Variants in AGBL1 observed in about 807,000 individuals in gnomAD.
The protein encoded by AGBL1 is cytosolic carboxypeptidase 4.
A neutral mutation model predicts 118.9 loss-of-function variants in AGBL1; 130 were observed. The ratio of observed to expected loss-of-function variants is 1.09; its 90% CI spans 0.95 to 1.26. The LOEUF is 1.26. Ranked by LOEUF, AGBL1 falls within the 50% of genes most tolerant of loss-of-function variation. The pLI is 0.00. For synonymous variants in AGBL1, 555 were observed against 478.9 expected, an observed-to-expected ratio of 1.16 and a Z score of -2.08; for missense variants, 1,584 against 1,298.1, an observed-to-expected ratio of 1.22 and a Z score of -3.38.
intron 22 of AGBL1, among the ~76,000 whole-genome samples, chr15:86,719,169 CTTCAAGTCTGTGGGGGAGAAATTGGGA>C (rs980200199): frequency 1.3e-5 from 2 of 152,164 alleles, no homozygotes; most frequent in African/African-American, 4.8e-5. Context: ...GGGAGACAAA[CTTCAAGTCTGTGGGGGAGAAATTGGGA>C]TTCACTCACT....
intron 23 of AGBL1, among the ~76,000 whole-genome samples, chr15:86,950,170 A>C (rs1240827897): frequency 1.3e-5 from 2 of 151,972 alleles, no homozygotes; most frequent in African/African-American, 2.4e-5. Context: ...GATAATTTTA[A>C]ATAAATATAA....
At chr15:86,786,493 AAT>A (rs1385200159) in intron 22 of AGBL1, among the ~76,000 whole-genome samples, 6 of 152,238 alleles carry the variant, frequency 3.9e-5, no homozygotes, top group African/African-American at 1.4e-4. Flanking sequence ...ATAAAAATAT[AAT>A]AGACACATAC....
chr15:86,447,492 CAGGCTTGTCTG>C (rs2142063869), intron 18 of AGBL1, among the ~76,000 whole-genome samples: 1 of 152,316 alleles, frequency 6.6e-6, no homozygotes, highest in East Asian at 1.9e-4. Flanking sequence ...GCTTCTTGAT[CAGGCTTGTCTG>C]ACTTGAAATC....
rs373021524 is a variant in AGBL1 at position 86,546,073 on chromosome 15, C to T, written c.2757C>T (p.Thr919=). The change falls in exon 20 of 23, where the codon ACC becomes ACT. Residue 919 remains threonine (T), a synonymous_variant. Transcript: ENST00000614907. ...VFLYGCSIKE[T]LWQAACTVGT... ...TTTATGGCTGTAGCATCAAGGAAAC[C>T]TTGTGGCAAGCAGCATGCACTGTGG... 52 of 1,613,394 alleles carry T rather than the reference C, an allele frequency of 3.2e-5. No individual in the cohort carries two copies. The highest frequency in any genetic ancestry group is 4.4e-5 in the Non-Finnish European group (52 of 1,179,586).
chr15:86,308,357 A>G (rs2079871288), intron 17 of AGBL1, among the ~76,000 whole-genome samples: 1 of 149,594 alleles, frequency 6.7e-6, no homozygotes, highest in South Asian at 2.1e-4. Context: ...CACAAGAGAG[A>G]TTACTCCCTT....
chr15:86,647,594 G>A (rs1490822959), intron 21 of AGBL1, among the ~76,000 whole-genome samples: 1 of 152,106 alleles, frequency 6.6e-6, no homozygotes, highest in African/African-American at 2.4e-5. Context: ...CCAGCTACTC[G>A]GAAGGCTGAG....
chr15:86,687,191 A>G (rs1442828935), intron 22 of AGBL1, among the ~76,000 whole-genome samples: 2 of 152,154 alleles, frequency 1.3e-5, no homozygotes, highest in Admixed American at 6.5e-5. Context: ...TTTACCTTCA[A>G]TAGAAAAGTT....
intron 22 of AGBL1, among the ~76,000 whole-genome samples, chr15:86,739,325 C>G (rs1339725882): frequency 2.6e-5 from 4 of 151,866 alleles, no homozygotes; most frequent in Admixed American, 2.6e-4. Context: ...TGCCTGTAAT[C>G]CCAGCTACTC....
chr15:86,554,470 A>G lies in AGBL1; in HGVS notation c.2927A>G (p.Glu976Gly). 1 of 1,586,968 alleles carries G rather than the reference A, an allele frequency of 6.3e-7. No individual in the cohort carries two copies. The highest frequency in any genetic ancestry group is 8.6e-7 in the Non-Finnish European group (1 of 1,167,054). The change falls in exon 21 of 23, where the codon GAG (glutamate) becomes GGG (glycine). Residue 976 changes from glutamate to glycine, a missense_variant. Physicochemically the swap from Glu to Gly is moderately conservative, Grantham distance 98. Transcript: ENST00000614907. ...ASTARVVVWR[E>G]MGVSRSYTME... is the part of the protein sequence containing the mutation. ...ACGGCCCGGGTGGTGGTGTGGAGAG[A>G]GATGGGGGTGTCCAGAAGCTACACC...
intron 22 of AGBL1, among the ~76,000 whole-genome samples, chr15:86,741,412 A>AAAAAAAAAAAAAAAAAAAAAAAAAAC (rs2077677517): frequency 8.0e-6 from 1 of 124,344 alleles, no homozygotes; most frequent in Non-Finnish European, 1.8e-5. Flanking sequence ...AAAAAAAAAA[A>AAAAAAAAAAAAAAAAAAAAAAAAAAC]AAAAAAAAAG....
intron 21 of AGBL1, among the ~76,000 whole-genome samples, chr15:86,668,165 A>G (rs1021079885): frequency 7.9e-5 from 12 of 152,176 alleles, no homozygotes; most frequent in Non-Finnish European, 1.5e-4. Context: ...AACACCTCCC[A>G]CCAGACCCCA....
At chr15:86,206,525 A>G (rs971210803) in intron 5 of AGBL1, among the ~76,000 whole-genome samples, 1 of 152,184 alleles carries the variant, frequency 6.6e-6, no homozygotes, top group African/African-American at 2.4e-5. Context: ...GTGAGATGGT[A>G]TCTCATTGTA....
At chr15:86,173,685 T>C (rs923233069) in intron 5 of AGBL1, among the ~76,000 whole-genome samples, 2 of 152,182 alleles carry the variant, frequency 1.3e-5, no homozygotes, top group Admixed American at 6.5e-5. Context: ...CCCATCATCA[T>C]TTATTGAAGA....
intron 22 of AGBL1, among the ~76,000 whole-genome samples, chr15:86,883,303 C>G (rs920081614): frequency 6.6e-6 from 1 of 152,096 alleles, no homozygotes; most frequent in Non-Finnish European, 1.5e-5. Flanking sequence ...CTTGGCTAAC[C>G]AGCTCCTCAG....
chr15:86,718,615 C>T (rs775246815), intron 22 of AGBL1, among the ~76,000 whole-genome samples: 8 of 152,060 alleles, frequency 5.3e-5, no homozygotes, highest in Non-Finnish European at 1.0e-4. Flanking sequence ...AAGGACAAAT[C>T]GTACCCCAAA....
At chr15:86,796,859 A>T (rs938036069) in intron 22 of AGBL1, among the ~76,000 whole-genome samples, 7 of 152,228 alleles carry the variant, frequency 4.6e-5, no homozygotes, top group Admixed American at 1.3e-4. Flanking sequence ...TTTATGAATT[A>T]GGAAGAAAGG....
At chr15:86,192,174 A>C (rs1198807663) in intron 5 of AGBL1, among the ~76,000 whole-genome samples, 1 of 151,520 alleles carries the variant, frequency 6.6e-6, no homozygotes, top group South Asian at 2.1e-4. Flanking sequence ...ACACATGCAC[A>C]CACACACATA....
intron 7 of AGBL1, among the ~76,000 whole-genome samples, chr15:86,249,828 G>A (rs893817597): frequency 2.0e-5 from 3 of 152,246 alleles, no homozygotes; most frequent in Admixed American, 6.5e-5. Flanking sequence ...AAATGTCTAC[G>A]ATAGAAAGGT....
At chr15:86,411,456 A>G (rs377626099) in intron 18 of AGBL1, among the ~76,000 whole-genome samples, 3 of 152,162 alleles carry the variant, frequency 2.0e-5, no homozygotes, top group East Asian at 3.9e-4. Context: ...CAGGAAAGTC[A>G]AAGGCAGCAT....
Sources: gnomAD v4.1 joint callset for allele counts (sites outside exome capture counted in the v4.1 genomes callset) on GRCh38, gnomAD v4.1.1 for gene constraint, MANE v1.5 for transcripts, NCBI Gene and HGNC (gene_info 2026-07-23, HGNC 2026-07-21) for gene names.